AGRN: variants seen among roughly 807,000 people sequenced by gnomAD.
AGRN encodes the protein agrin proteoglycan.
In AGRN, 106 loss-of-function variants were observed where a neutral mutation model predicts 211.0. The ratio of observed to expected loss-of-function variants is 0.50; its 90% CI spans 0.43 to 0.59. The LOEUF is 0.59. AGRN is among the 20% of genes least tolerant of loss of function. The pLI, the probability that AGRN is intolerant of heterozygous loss-of-function variation, is 0.00. For synonymous variants in AGRN, 1,525 were observed against 1,332.5 expected, an observed-to-expected ratio of 1.14 and a Z score of -3.15; for missense variants, 3,040 against 2,982.6, an observed-to-expected ratio of 1.02 and a Z score of -0.45.
intron 3 of AGRN, among the ~76,000 whole-genome samples, chr1:1,036,790 A>G (rs1557695895): frequency 2.0e-5 from 3 of 151,878 alleles, no homozygotes; most frequent in Non-Finnish European, 2.9e-5. Flanking sequence ...GACTGTGGGG[A>G]GAGGAGACCG....
chr1:1,041,593 G>T lies in AGRN; in HGVS notation c.1068G>T (p.Val356=), dbSNP rs752972340. 6.2e-7 allele frequency: 1 copy of T among 1,611,168 alleles called. No homozygotes were observed. The highest frequency in any genetic ancestry group is 1.1e-5 in the South Asian group (1 of 91,034). The change falls in exon 6 of 36, where the codon GTG becomes GTT. Residue 356 remains valine (V), a synonymous_variant. Transcript: ENST00000379370. ...PESCPARQAP[V]CGDDGVTYEN... ...GCTGCCCTGCCCGGCAGGCGCCAGT[G>T]TGTGGGGACGACGGAGTCACCTACG...
chr1:1,051,704 C>G, intron 32 of AGRN, 24 bp from the exon 33 acceptor site: 1 of 1,613,368 alleles, frequency 6.2e-7, no homozygotes, highest in Non-Finnish European at 8.5e-7. Context: ...CACGAGGCCC[C>G]ACCCTCACCT....
At chr1:1,036,884 C>G (rs1644816782) in intron 3 of AGRN, among the ~76,000 whole-genome samples, 1 of 152,160 alleles carries the variant, frequency 6.6e-6, no homozygotes, top group South Asian at 2.1e-4. Flanking sequence ...CTCAGGAGCC[C>G]TGTGGGTCAG....
At chr1:1,034,012 C>T (rs1644738526) in intron 2 of AGRN, 2 of 622,160 alleles carry the variant, frequency 3.2e-6, no homozygotes, top group Non-Finnish European at 4.0e-6. Flanking sequence ...CCCAGCCCCG[C>T]GGGGACGAGG....
intron 2 of AGRN, among the ~76,000 whole-genome samples, chr1:1,025,897 G>C (rs1383264934): frequency 6.6e-6 from 1 of 152,222 alleles, no homozygotes; most frequent in Non-Finnish European, 1.5e-5. Flanking sequence ...GGGGCTCCTG[G>C]TGGGAAGTCG....
chr1:1,051,972 G>A lies in AGRN; in HGVS notation c.5651+157G>A, dbSNP rs537982093. 3.4e-5 allele frequency: 53 copies of A among 1,546,958 alleles called. No individual in the cohort carries two copies. The South Asian group carries it at 5.9e-4, about 17-fold the overall frequency. On this transcript the variant is annotated intron_variant, in intron 33 of 35. Transcript: ENST00000379370. ...CCTCCCGGTCCTCCCGCCTCTCACT[G>A]TCTGTCTCTTTGTTTCCAAGCGAAC...
chr1:1,036,147 C>T (rs1162943014), intron 3 of AGRN, among the ~76,000 whole-genome samples: 4 of 152,210 alleles, frequency 2.6e-5, no homozygotes, highest in Middle Eastern at 3.4e-3. Flanking sequence ...CCTTCCTGAC[C>T]AGCACATGGG....
At chr1:1,054,207 G>A (rs755682732) in intron 34 of AGRN, among the ~76,000 whole-genome samples, 2 of 152,296 alleles carry the variant, frequency 1.3e-5, no homozygotes, top group Non-Finnish European at 2.9e-5. Context: ...GCCGGGGGTC[G>A]CTCCAGTCTG....
intron 3 of AGRN, among the ~76,000 whole-genome samples, chr1:1,037,762 C>T (rs1260026045): frequency 2.6e-5 from 4 of 152,170 alleles, no homozygotes; most frequent in African/African-American, 4.8e-5. Flanking sequence ...TGTCTGAGCC[C>T]AGTGCTGGCA....
chr1:1,052,379 G>T (rs1645322052), intron 33 of AGRN: 16 of 340,706 alleles, frequency 4.7e-5, no homozygotes, highest in South Asian at 2.4e-4. Flanking sequence ...AGCTGTGTGT[G>T]TGCATGGGTC....
chr1:1,035,830 G>C (rs1644791408), intron 3 of AGRN, among the ~76,000 whole-genome samples: 1 of 151,530 alleles, frequency 6.6e-6, no homozygotes, highest in East Asian at 1.9e-4. Context: ...GACTCTGCAG[G>C]CTGTCATGGG....
intron 2 of AGRN, among the ~76,000 whole-genome samples, chr1:1,030,568 CAT>C (rs1644643514): frequency 3.0e-5 from 2 of 65,620 alleles, no homozygotes; most frequent in African/African-American, 6.1e-5. Flanking sequence ...GAGAGATCAG[CAT>C]GTGTGTGTGC....
Position 1,048,729 on chromosome 1 carries a change from T to C in AGRN, c.4106-138T>C, listed in dbSNP as rs1031129201. 2 of 1,046,180 alleles carry C rather than the reference T, an allele frequency of 1.9e-6. No homozygotes were observed. Among genetic ancestry groups the C allele is most frequent in the Non-Finnish European group, 2.7e-6 (2 of 751,420 alleles). 64.8% of individuals were successfully genotyped at this position (1,046,180 alleles called of 1,614,324 possible). On this transcript the variant is annotated intron_variant, in intron 23 of 35. Transcript: ENST00000379370. The surrounding 1 kb of genome is among the most constrained non-coding windows in gnomAD (Gnocchi z 5.9). ...TTGCGGTGAGCCAGGATCGCGCCAC[T>C]GCACTCCAGCCGGGGCAAAAAGAGC...
Position 1,053,966 on chromosome 1 carries a change from C to A in AGRN, c.5865C>A (p.Val1955=). 1.2e-6 allele frequency: 2 copies of A among 1,600,458 alleles called. No individual in the cohort carries two copies. The highest frequency in any genetic ancestry group is 1.1e-5 in the South Asian group (1 of 89,038). ...VPVNTNRWLR[V]VAHREQREGS... is the part of the protein sequence containing the mutation. ...TCAACACCAACCGCTGGTTGCGGGT[C>A]GTGGCACATAGGTGAGTAGGGAACC... Residue 1955 remains valine (V), a synonymous_variant, in exon 34 of 36, where the codon GTC becomes GTA. Transcript: ENST00000379370.
chr1:1,037,433 G>A (rs1466509204), intron 3 of AGRN, among the ~76,000 whole-genome samples: 3 of 152,176 alleles, frequency 2.0e-5, no homozygotes, highest in African/African-American at 7.2e-5. Flanking sequence ...CATAGTTACG[G>A]GCCAGAGCTC....
chr1:1,025,270 G>A (rs1339948975), intron 2 of AGRN, among the ~76,000 whole-genome samples: 5 of 152,114 alleles, frequency 3.3e-5, no homozygotes, highest in Non-Finnish European at 5.9e-5. Flanking sequence ...GGGTCCCGGC[G>A]GCCTAGTCCC....
chr1:1,053,390 G>A (rs58566845), intron 33 of AGRN: 2 of 1,271,680 alleles, frequency 1.6e-6, no homozygotes, highest in South Asian at 1.4e-5. Context: ...GCACCCCACA[G>A]TGTTGAGATG....
intron 2 of AGRN, among the ~76,000 whole-genome samples, chr1:1,025,171 C>T (rs921652964): frequency 2.0e-5 from 3 of 152,172 alleles, no homozygotes; most frequent in African/African-American, 4.8e-5. Context: ...CTGCCCCTGC[C>T]GGGGCCTGGC....
Position 1,046,457 on chromosome 1 carries a change from T to A in AGRN, c.2972T>A (p.Leu991His). Residue 991 changes from leucine to histidine, a missense_variant, in exon 18 of 36, where the codon CTC becomes CAC. Physicochemically the swap from Leu to His is moderately conservative, Grantham distance 99. Transcript: ENST00000379370. ...TCCGTGACTGTGACCACCCCAGGGC[T>A]CCTCCTGAGCCAGGCACTGCCGGCC... ...SASVTVTTPG[L>H]LLSQALPAPP... is the part of the protein sequence containing the mutation. 6.2e-7 allele frequency: 1 copy of A among 1,611,886 alleles called. No individual in the cohort carries two copies. Among genetic ancestry groups the A allele is most frequent in the South Asian group, 1.1e-5 (1 of 91,024 alleles).
Sources: allele counts gnomAD v4.1 joint callset (sites outside exome capture counted in the v4.1 genomes callset), GRCh38; gene constraint gnomAD v4.1.1; non-coding constraint Gnocchi (gnomAD v3.1); transcripts MANE v1.5; gene names NCBI Gene and HGNC (gene_info 2026-07-23, HGNC 2026-07-21).